The following ANK3 variants were observed in gnomAD, a reference collection of about 807,000 sequenced individuals.
ANK3 encodes the protein ankyrin 3.
ANK3 carries 57 observed loss-of-function variants against 370.9 expected under a neutral mutation model. The observed-to-expected ratio is 0.15, with a 90% CI of 0.12 to 0.19. The LOEUF is 0.19. Ranked by LOEUF, ANK3 falls within the 10% of genes least tolerant of loss-of-function variation. ANK3 has a pLI of 1.00. For missense variants in ANK3, 4,439 were observed against 5,302.1 expected (o/e 0.84, Z 5.06); for synonymous variants, 1,929 against 1,946.3 (o/e 0.99, Z 0.23).
At position 60,137,019 on chromosome 10, in the gene ANK3, C is replaced by G. The variant is rs144207917; in HGVS notation, c.2738+1945G>C. 7.4e-3 allele frequency among the ~76,000 whole-genome samples: 1,124 copies of G among 152,182 alleles called. 11 individuals are homozygous for G. Among genetic ancestry groups the G allele is most frequent in the African/African-American group, 0.026 (1,071 of 41,542 alleles). ...CTCAAATAAAACAGAAACCAGCAAA[C>G]AAACAGCCCTTCACATCAGGACTTT... On this transcript the variant is annotated intron_variant, in intron 24 of 43. Transcript: ENST00000280772.
intron 23 of ANK3, among the ~76,000 whole-genome samples, chr10:60,143,241 C>T (rs894787962): frequency 6.6e-6 from 1 of 151,998 alleles, no homozygotes; most frequent in African/African-American, 2.4e-5. Flanking sequence ...AATGAATGAA[C>T]AATAACAACA....
rs1592448678 is a variant in ANK3, at chr10:60,249,096, A to G, written c.798+12763T>C. On this transcript the variant is annotated intron_variant, in intron 7 of 43. Coordinates refer to ENST00000280772, the MANE Select transcript of ANK3 (RefSeq NM_020987.5). Reference sequence around the variant, plus strand: ...TCACTATCAAAGCTCAATCAAAAGTAGCCTGCTATCTGTTTTACAGTAAAG... The same window carrying G: ...TCACTATCAAAGCTCAATCAAAAGTGGCCTGCTATCTGTTTTACAGTAAAG... 2.6e-5 allele frequency among the ~76,000 whole-genome samples: 4 copies of G among 152,320 alleles called. 1 individual carries two copies. The highest frequency in any genetic ancestry group is 2.6e-4 in the Admixed American group (4 of 15,300).
At chr10:60,302,104 A>AT (rs2043947636) in intron 1 of ANK3, among the ~76,000 whole-genome samples, 1 of 152,170 alleles carries the variant, frequency 6.6e-6, no homozygotes, top group Non-Finnish European at 1.5e-5. Context: ...GAAAATCCCT[A>AT]TTTTTTATGA....
chr10:60,181,430 G>A lies in ANK3; in HGVS notation c.2086-3C>T. 6.2e-7 allele frequency: 1 copy of A among 1,613,836 alleles called. No homozygotes were observed. ...AAATGGAGTGGGGTCAGGCCGCTCTGCAAAAGATTCAAAGGGCACAGTCAT... is the reference window on the plus strand; with the variant it reads ...AAATGGAGTGGGGTCAGGCCGCTCTACAAAAGATTCAAAGGGCACAGTCAT... On this transcript the variant is annotated splice_polypyrimidine_tract_variant and splice_region_variant and intron_variant, in intron 17 of 43. Transcript: ENST00000280772.
intron 43 of ANK3, 68 bp from the exon 44 acceptor site, chr10:60,029,894 T>C (rs1369647393): frequency 2.1e-5 from 3 of 142,722 alleles, no homozygotes; most frequent in Middle Eastern, 3.5e-3. Flanking sequence ...TTTTTTTTTT[T>C]TTTTTTTTTT....
chr10:60,104,898 C>G (rs1011733178), intron 28 of ANK3, among the ~76,000 whole-genome samples: 7 of 152,282 alleles, frequency 4.6e-5, no homozygotes, highest in African/African-American at 1.7e-4. Flanking sequence ...GGAAGGTAAT[C>G]TCCATTTTGC....
In ANK3 at chr10:60,074,004, G is replaced by A. The variant is rs769058546; in HGVS notation, c.6877C>T (p.Leu2293=). 1 of 1,614,042 alleles carries A rather than the reference G, an allele frequency of 6.2e-7. No individual in the cohort carries two copies. The highest frequency in any genetic ancestry group is 8.5e-7 in the Non-Finnish European group (1 of 1,179,980). ...GRDPSKELAG[L]FEHKSAVSPD... ...GACACTGCCGACTTATGTTCAAACA[G>A]ACCTGCCAGTTCTTTGGAAGGATCC... is the stretch of plus-strand genomic sequence containing the variant. Residue 2293 remains leucine (L), a synonymous_variant, in exon 37 of 44, where the codon CTG becomes TTG. Coordinates refer to ENST00000280772, the MANE Select transcript of ANK3 (RefSeq NM_020987.5).
chr10:60,665,563 C>A (rs1193252186), intron 1 of ANK3, among the ~76,000 whole-genome samples: 2 of 152,162 alleles, frequency 1.3e-5, no homozygotes, highest in East Asian at 1.9e-4. Context: ...ACAAAACATA[C>A]TTAAACTCAA....
rs377311549 is a variant in ANK3, at chr10:60,108,993, C to T, written c.3010G>A (p.Gly1004Arg). The change falls in exon 27 of 44, where the codon GGG becomes AGG. Residue 1004 changes from glycine (G) to arginine (R), a missense_variant. Coordinates refer to ENST00000280772, the MANE Select transcript of ANK3 (RefSeq NM_020987.5). ...GGSMRGSRHHGMRIIIPPRKC... is the reference protein window; with the variant it reads ...GGSMRGSRHHRMRIIIPPRKC... ...CGTGGAGGAATGATGATTCTCATCC[C>T]GTGATGACGGCTTCCTCTCATGGAG... 5.6e-6 allele frequency: 9 copies of T among 1,613,868 alleles called. No individual in the cohort carries two copies. Among genetic ancestry groups the T allele is most frequent in the Admixed American group, 5.0e-5 (3 of 59,994 alleles).
At chr10:60,301,385 C>T (rs2043764488) in intron 1 of ANK3, among the ~76,000 whole-genome samples, 1 of 148,018 alleles carries the variant, frequency 6.8e-6, no homozygotes, top group African/African-American at 2.5e-5. Context: ...CACACACATA[C>T]ATACATACAC....
chr10:60,517,131 C>A (rs2076238234), intron 2 of ANK3, among the ~76,000 whole-genome samples: 1 of 152,092 alleles, frequency 6.6e-6, no homozygotes, highest in Admixed American at 6.6e-5. Flanking sequence ...CTGGCGCGAT[C>A]TTGGCTCACT....
intron 2 of ANK3, among the ~76,000 whole-genome samples, chr10:60,545,045 A>T (rs1224984662): frequency 6.6e-6 from 1 of 152,158 alleles, no homozygotes; most frequent in Non-Finnish European, 1.5e-5. Context: ...CTGATGTTTT[A>T]AAAACGTTAA....
Position 60,073,671 on chromosome 10 carries a change from G to C in ANK3, c.7210C>G (p.Pro2404Ala), listed in dbSNP as rs962578954. ...ACTCTGGAAGACTCCAGATAAGAAGGCAATGACTCTTCAGCAGTAAGTTCT... is the reference window on the plus strand; with the variant it reads ...ACTCTGGAAGACTCCAGATAAGAAGCCAATGACTCTTCAGCAGTAAGTTCT... Reference protein sequence around the residue: ...EEELTAEESLPSYLESSRVNT... With the variant: ...EEELTAEESLASYLESSRVNT... The change falls in exon 37 of 44, where the codon CCT becomes GCT. Residue 2404 changes from proline (P) to alanine (A), a missense_variant. This residue lies in a region of ANK3 where 1,601 missense variants were observed against 1,731.7 expected (regional missense o/e 0.92). Coordinates refer to ENST00000280772, the MANE Select transcript of ANK3 (RefSeq NM_020987.5). 3.1e-6 allele frequency: 5 copies of C among 1,613,908 alleles called. No individual in the cohort carries two copies. Among genetic ancestry groups the C allele is most frequent in the Non-Finnish European group, 4.2e-6 (5 of 1,180,000 alleles).
intron 7 of ANK3, among the ~76,000 whole-genome samples, chr10:60,243,601 C>T (rs1592341764): frequency 6.6e-6 from 1 of 151,976 alleles, no homozygotes; most frequent in East Asian, 1.9e-4. Context: ...TGGACTAAGA[C>T]AATAGACTGT....
chr10:60,033,652 T>A (rs2074249083), intron 43 of ANK3, among the ~76,000 whole-genome samples: 1 of 152,150 alleles, frequency 6.6e-6, no homozygotes, highest in Non-Finnish European at 1.5e-5. Context: ...AGAACTGACT[T>A]GTTTTTTATA....
chr10:60,069,275 G>C lies in ANK3; in HGVS notation c.11606C>G (p.Ala3869Gly). The C allele has an allele frequency of 6.2e-7, 1 of 1,614,082 alleles. No homozygotes were observed. The highest frequency in any genetic ancestry group is 8.5e-7 in the Non-Finnish European group (1 of 1,179,990). ...IRQKSKLPIK[A>G]TSPKDTFPPN... ...TGGGAAGGTATCTTTTGGTGAAGTG[G>C]CCTTTATGGGAAGTTTGGATTTTTG... The change falls in exon 37 of 44, where the codon GCC (alanine) becomes GGC (glycine). Residue 3869 changes from alanine to glycine, a missense_variant. Ala to Gly is a moderately conservative substitution (Grantham distance 60). Around this residue, in one of 13 missense-constraint regions of ANK3, gnomAD observed 496 missense variants for 529.3 expected, o/e 0.94. Transcript: ENST00000280772.
At chr10:60,085,778 G>A (rs1056097500) in intron 30 of ANK3, among the ~76,000 whole-genome samples, 1 of 152,128 alleles carries the variant, frequency 6.6e-6, no homozygotes, top group Admixed American at 6.5e-5. Context: ...ACCACGCCCA[G>A]CTAAGTTTTG....
intron 1 of ANK3, among the ~76,000 whole-genome samples, chr10:60,627,674 G>A (rs1379513672): frequency 6.6e-6 from 1 of 152,024 alleles, no homozygotes; most frequent in Non-Finnish European, 1.5e-5. Flanking sequence ...CTTTTATGTG[G>A]TCAAGAGTCT....
At chr10:60,594,488 T>G (rs762656101) in intron 2 of ANK3, among the ~76,000 whole-genome samples, 5 of 152,198 alleles carry the variant, frequency 3.3e-5, no homozygotes, top group Non-Finnish European at 5.9e-5. Context: ...GTCTTATTCT[T>G]TCAAAAATAT....
Sources: gnomAD v4.1 joint callset for allele counts (sites outside exome capture counted in the v4.1 genomes callset) on GRCh38, gnomAD v4.1.1 for gene constraint, gnomAD v4.1.1 regional missense constraint, MANE v1.5 for transcripts, NCBI Gene and HGNC (gene_info 2026-07-23, HGNC 2026-07-21) for gene names.